RANBP3L: variants seen among roughly 807,000 people sequenced by gnomAD.
The protein encoded by RANBP3L is ran-binding protein 3-like.
Under a neutral mutation model 67.2 loss-of-function variants are expected in RANBP3L, and 56 were observed. That is an observed-to-expected ratio of 0.83 (90% CI 0.67 to 1.04). The LOEUF is 1.04. Among genes scored for constraint, RANBP3L ranks in the 50% least tolerant of loss-of-function variants. The probability of loss-of-function intolerance (pLI) is 0.00; values close to 1 mark genes in which losing one functional copy is unlikely to be tolerated. For missense variants in RANBP3L, 496 were observed against 535.5 expected (o/e 0.93, Z 0.73); for synonymous variants, 164 against 181.4 (o/e 0.90, Z 0.77).
Position 36,285,152 on chromosome 5 carries a change from T to C in RANBP3L, c.92-13841A>G, listed in dbSNP as rs142958829. On this transcript the variant is annotated intron_variant, in intron 1 of 13. Transcript: ENST00000296604. ...TGGTATATAACAAACACTTCATAAA[T>C]GTGATTTGTTTGTAAGTGACATGTT... Among the ~76,000 whole-genome samples the C allele has an allele frequency of 2.4e-3, 371 of 152,290 alleles. 1 individual carries two copies. The highest frequency in any genetic ancestry group is 8.5e-3 in the African/African-American group (352 of 41,562).
At chr5:36,273,740 G>A (rs964836214) in intron 1 of RANBP3L, among the ~76,000 whole-genome samples, 2 of 152,126 alleles carry the variant, frequency 1.3e-5, no homozygotes, top group African/African-American at 4.8e-5. Context: ...TTAAAATGTA[G>A]CCTTTTTTCC....
At chr5:36,266,551 T>C (rs1041663231) in intron 4 of RANBP3L, among the ~76,000 whole-genome samples, 2 of 152,210 alleles carry the variant, frequency 1.3e-5, no homozygotes, top group African/African-American at 4.8e-5. Flanking sequence ...AAAAGAGCCA[T>C]ATTTTTCTCC....
intron 1 of RANBP3L, among the ~76,000 whole-genome samples, chr5:36,284,648 T>C (rs1751200979): frequency 6.6e-6 from 1 of 152,204 alleles, no homozygotes; most frequent in Non-Finnish European, 1.5e-5. Flanking sequence ...GTTCCAAAAA[T>C]GGTACATTGC....
chr5:36,290,938 G>T (rs1410781675), intron 1 of RANBP3L, among the ~76,000 whole-genome samples: 3 of 147,346 alleles, frequency 2.0e-5, no homozygotes, highest in Non-Finnish European at 4.5e-5. Flanking sequence ...TAGAGACAGG[G>T]TTTCACCATG....
Position 36,260,817 on chromosome 5 carries a change from T to G in RANBP3L, c.632A>C (p.Asn211Thr), listed in dbSNP as rs917039922. 1 of 1,565,746 alleles carries G rather than the reference T, an allele frequency of 6.4e-7. No individual in the cohort carries two copies. The highest frequency in any genetic ancestry group is 1.4e-5 in the African/African-American group (1 of 73,764). The stretch of plus-strand genomic sequence containing the variant: ...TACCATGTTTTCTCCAAAAACAAAA[T>G]TGGAACTGCAGCTTTTAAAAGAACA... ...DKCSFKSCSS[N>T]FVFGENMVER... is the part of the protein sequence containing the mutation. The change falls in exon 8 of 14, where the codon AAT becomes ACT. Residue 211 changes from asparagine (N) to threonine (T), a missense_variant. By Grantham distance (65) the Asn-to-Thr change is moderately conservative (BLOSUM62 0). Transcript: ENST00000296604.
At position 36,265,430 on chromosome 5, in the gene RANBP3L, T is replaced by C. The variant is rs774787104; in HGVS notation, c.340+19A>G. 5.3e-6 allele frequency: 8 copies of C among 1,503,526 alleles called. No individual in the cohort carries two copies. In the South Asian group the frequency reaches 8.2e-5, roughly 15 times the overall value. The allele number at this position is 1,503,526 out of a possible 1,614,324, so 93.1% of individuals were successfully genotyped here. On this transcript the variant is annotated intron_variant, in intron 5 of 13. Coordinates refer to ENST00000296604, the MANE Select transcript of RANBP3L (RefSeq NM_145000.5). Reference sequence around the variant, plus strand: ...TAAAATATACAATTTCTGAGGTTCTTGAAATAGAAGCTACATACCTTGTTC... The same window carrying C: ...TAAAATATACAATTTCTGAGGTTCTCGAAATAGAAGCTACATACCTTGTTC...
Position 36,249,700 on chromosome 5 carries a change from G to T in RANBP3L, c.1355-3C>A. 1 of 1,522,824 alleles carries T rather than the reference G, an allele frequency of 6.6e-7. No individual in the cohort carries two copies. The highest frequency in any genetic ancestry group is 9.0e-7 in the Non-Finnish European group (1 of 1,112,080). 94.3% of individuals were successfully genotyped at this position (1,522,824 alleles called of 1,614,324 possible). A position where few individuals can be genotyped will look rare whatever the true frequency, so the allele number is the denominator to read the frequency against. On this transcript the variant is annotated splice_polypyrimidine_tract_variant and splice_region_variant and intron_variant, in intron 13 of 13. Transcript: ENST00000296604. ...TCTGTGAGTCCAACTAGAAGGATCT[G>T]TGATATAAATTTAAAATGTTTTATT...
intron 1 of RANBP3L, among the ~76,000 whole-genome samples, chr5:36,291,048 T>C (rs1428967640): frequency 6.6e-6 from 1 of 151,878 alleles, no homozygotes; most frequent in African/African-American, 2.4e-5. Flanking sequence ...CTGGCCCGGC[T>C]TTTTTGTAGT....
chr5:36,282,144 A>AT (rs1437302139), intron 1 of RANBP3L, among the ~76,000 whole-genome samples: 4 of 152,110 alleles, frequency 2.6e-5, no homozygotes, highest in African/African-American at 9.7e-5. Context: ...TAAATCACAT[A>AT]TTTTTCACTC....
intron 4 of RANBP3L, among the ~76,000 whole-genome samples, chr5:36,267,385 G>A (rs1261906421): frequency 6.6e-6 from 1 of 152,070 alleles, no homozygotes; most frequent in Non-Finnish European, 1.5e-5. Flanking sequence ...GTGTGCGCCT[G>A]TAGTCCCAGC....
intron 4 of RANBP3L, among the ~76,000 whole-genome samples, chr5:36,266,864 C>A (rs1375934213): frequency 6.6e-6 from 1 of 152,098 alleles, no homozygotes; most frequent in Non-Finnish European, 1.5e-5. Flanking sequence ...TCAAGCGATT[C>A]TCTTGCCTCA....
intron 11 of RANBP3L, 55 bp downstream of exon 11, chr5:36,255,415 G>A: frequency 6.4e-7 from 1 of 1,555,424 alleles, no homozygotes. Flanking sequence ...ATTATTATAA[G>A]TACACAGGAG....
rs1460705263 is a variant in RANBP3L, at chr5:36,265,034, A to G, written c.405T>C (p.Ser135=). 6.2e-7 allele frequency: 1 copy of G among 1,613,664 alleles called. No individual in the cohort carries two copies. Among genetic ancestry groups the G allele is most frequent in the Admixed American group, 1.7e-5 (1 of 60,024 alleles). ...PAILQLPQAR[S]CAKVRKTFGH... ...CAAATGTTTTTCTTACTTTTGCACA[A>G]CTTCGAGCTTGAGGTAGCTGCAAAA... Residue 135 remains serine (S), a synonymous_variant, in exon 6 of 14, where the codon AGT becomes AGC. Transcript: ENST00000296604.
chr5:36,256,260 C>T lies in RANBP3L; in HGVS notation c.904-670G>A, dbSNP rs545657850. Among the ~76,000 whole-genome samples the T allele has an allele frequency of 5.3e-5, 8 of 152,038 alleles. No homozygotes were observed. The South Asian group carries it at 1.5e-3, about 28-fold the overall frequency. On this transcript the variant is annotated intron_variant, in intron 10 of 13. Coordinates refer to ENST00000296604, the MANE Select transcript of RANBP3L (RefSeq NM_145000.5). The stretch of plus-strand genomic sequence containing the variant: ...TCAATAAGACTGGAATTAATCTAAT[C>T]CAAGGGTTATGCTTTGAGACACACT...
intron 1 of RANBP3L, among the ~76,000 whole-genome samples, chr5:36,294,477 C>G (rs1752044013): frequency 1.3e-5 from 2 of 151,968 alleles, no homozygotes; most frequent in Non-Finnish European, 2.9e-5. Context: ...TTTTCTAGTT[C>G]TTTTAATTAT....
At chr5:36,271,616 A>C (rs994480128) in intron 1 of RANBP3L, among the ~76,000 whole-genome samples, 1 of 152,202 alleles carries the variant, frequency 6.6e-6, no homozygotes, top group Non-Finnish European at 1.5e-5. Flanking sequence ...GAATCTCATC[A>C]GAGCATAGCG....
At chr5:36,285,114 G>T (rs972645019) in intron 1 of RANBP3L, among the ~76,000 whole-genome samples, 3 of 152,136 alleles carry the variant, frequency 2.0e-5, no homozygotes, top group Non-Finnish European at 4.4e-5. Flanking sequence ...CAAAAGTACT[G>T]AAAAACAGTG....
chr5:36,268,198 C>A, intron 4 of RANBP3L: 1 of 1,533,644 alleles, frequency 6.5e-7, no homozygotes. Flanking sequence ...ATTACCTGGC[C>A]CAGAATGGGG....
intron 10 of RANBP3L, among the ~76,000 whole-genome samples, chr5:36,256,008 C>T (rs142407502): frequency 5.2e-4 from 79 of 152,124 alleles, no homozygotes; most frequent in African/African-American, 1.9e-3. Flanking sequence ...TCTATATATA[C>T]ATCAATTTTT....
Sources: allele counts gnomAD v4.1 joint callset (sites outside exome capture counted in the v4.1 genomes callset), GRCh38; gene constraint gnomAD v4.1.1; transcripts MANE v1.5; gene names NCBI Gene and HGNC (gene_info 2026-07-23, HGNC 2026-07-21).